Variants in USH2A observed in about 807,000 individuals in gnomAD.
USH2A encodes usherin, also known as Usher syndrome 2A (autosomal recessive, mild).
In USH2A, 443 loss-of-function variants were observed where a neutral mutation model predicts 538.9. The observed-to-expected ratio is 0.82, with a 90% CI of 0.76 to 0.89. USH2A has a LOEUF of 0.89. Among genes scored for constraint, USH2A ranks in the 40% least tolerant of loss-of-function variants. The pLI is 0.00. For synonymous variants in USH2A, 2,413 were observed against 2,273.5 expected (o/e 1.06, Z -1.75); for missense variants, 6,633 against 6,324.8 (o/e 1.05, Z -1.65).
chr1:216,039,047 A>G (rs563065611), intron 32 of USH2A, among the ~76,000 whole-genome samples: 91 of 152,188 alleles, frequency 6.0e-4, no homozygotes, highest in African/African-American at 2.1e-3. Context: ...ATACGGGTGC[A>G]TTATAGAAGC....
At chr1:215,737,980 T>A (rs1660202817) in intron 60 of USH2A, among the ~76,000 whole-genome samples, 1 of 152,026 alleles carries the variant, frequency 6.6e-6, no homozygotes, top group African/African-American at 2.4e-5. Context: ...TGTATATAGT[T>A]TTGCCTCTCA....
At chr1:216,376,870 A>G (rs2038832329) in intron 3 of USH2A, among the ~76,000 whole-genome samples, 2 of 152,210 alleles carry the variant, frequency 1.3e-5, no homozygotes, top group Admixed American at 1.3e-4. Context: ...CCTGCCATAT[A>G]AACAAAACAG....
Position 215,647,525 on chromosome 1 carries a change from C to G in USH2A, c.14788G>C (p.Glu4930Gln), listed in dbSNP as rs766262236. The G allele has an allele frequency of 6.8e-6, 11 of 1,613,878 alleles. No individual in the cohort carries two copies. In the South Asian group the frequency reaches 1.1e-4, roughly 16 times the overall value. The change falls in exon 67 of 72, where the codon GAA becomes CAA. Residue 4930 changes from glutamate (E) to glutamine (Q), a missense_variant. Transcript: ENST00000307340. ...SEWISFTTQKELPQYRAPFSV... is the reference protein window; with the variant it reads ...SEWISFTTQKQLPQYRAPFSV... ...GGTAGCAGCCACTTATACTCACATT[C>G]TTTTTGGGTGGTGAAACTGATCCAC...
chr1:215,731,702 CCTT>C (rs1351381981), intron 60 of USH2A, among the ~76,000 whole-genome samples: 1 of 152,166 alleles, frequency 6.6e-6, no homozygotes, highest in African/African-American at 2.4e-5. Context: ...GCTCCTTACT[CCTT>C]CTCTCCCCTC....
chr1:216,168,793 G>C (rs1232584808), intron 21 of USH2A, among the ~76,000 whole-genome samples: 1 of 152,082 alleles, frequency 6.6e-6, no homozygotes, highest in Non-Finnish European at 1.5e-5. Flanking sequence ...TCACCACCCA[G>C]ATTGATAAAC....
rs375508111 is a variant in USH2A, at chr1:216,240,563, A to G, written c.2809+6022T>C. Among the ~76,000 whole-genome samples the G allele has an allele frequency of 9.9e-5, 15 of 152,162 alleles. 1 individual carries two copies. The highest frequency in any genetic ancestry group is 3.9e-4 in the Admixed American group (6 of 15,280). On this transcript the variant is annotated intron_variant, in intron 13 of 71. Coordinates refer to ENST00000307340, the MANE Select transcript of USH2A (RefSeq NM_206933.4). Reference sequence around the variant, plus strand: ...GTAGAAAAGAAGAAAGAATCTGATTAACATTGCTAACAGCTAATGGTACAA... The same window carrying G: ...GTAGAAAAGAAGAAAGAATCTGATTGACATTGCTAACAGCTAATGGTACAA...
At chr1:216,354,276 T>C (rs1038342215) in intron 4 of USH2A, among the ~76,000 whole-genome samples, 5 of 152,068 alleles carry the variant, frequency 3.3e-5, no homozygotes, top group African/African-American at 4.8e-5. Context: ...CGCCAAAAAA[T>C]ATGATTTACT....
At chr1:215,675,643 T>C in intron 62 of USH2A, 27 bp from the exon 63 acceptor site, 1 of 1,614,072 alleles carries the variant, frequency 6.2e-7, no homozygotes, top group Non-Finnish European at 8.5e-7. Context: ...GCAAAAGGGA[T>C]AACTTGCAGC....
At chr1:215,744,824 G>C (rs939159189) in intron 58 of USH2A, among the ~76,000 whole-genome samples, 18 of 152,244 alleles carry the variant, frequency 1.2e-4, no homozygotes, top group African/African-American at 3.6e-4. Context: ...GTTAAATTTG[G>C]CAGCTTAGAC....
intron 11 of USH2A, among the ~76,000 whole-genome samples, chr1:216,270,311 T>G (rs904847226): frequency 6.6e-6 from 1 of 152,104 alleles, no homozygotes; most frequent in African/African-American, 2.4e-5. Flanking sequence ...GAACAGGAAA[T>G]CTGTCCCGGA....
intron 3 of USH2A, among the ~76,000 whole-genome samples, chr1:216,370,910 T>A (rs1483496647): frequency 6.6e-6 from 1 of 152,118 alleles, no homozygotes; most frequent in Non-Finnish European, 1.5e-5. Context: ...ACATCCCCTG[T>A]GTACTATAAC....
intron 4 of USH2A, among the ~76,000 whole-genome samples, chr1:216,334,747 T>G (rs542168595): frequency 2.6e-4 from 40 of 152,018 alleles, no homozygotes; most frequent in African/African-American, 8.4e-4. Context: ...TTTTAAGATA[T>G]CAATCCATCA....
chr1:215,853,691 C>A (rs1327648659), intron 44 of USH2A, among the ~76,000 whole-genome samples: 1 of 152,168 alleles, frequency 6.6e-6, no homozygotes, highest in Non-Finnish European at 1.5e-5. Flanking sequence ...CTGCCAGATA[C>A]CCTAAATAAT....
chr1:215,923,606 T>G (rs1666156106), intron 38 of USH2A, among the ~76,000 whole-genome samples: 1 of 152,058 alleles, frequency 6.6e-6, no homozygotes, highest in Non-Finnish European at 1.5e-5. Flanking sequence ...TGCAGTCAAC[T>G]TCACACACAG....
At chr1:216,186,116 C>A (rs2034595644) in intron 20 of USH2A, among the ~76,000 whole-genome samples, 1 of 149,546 alleles carries the variant, frequency 6.7e-6, no homozygotes, top group Non-Finnish European at 1.5e-5. Flanking sequence ...AAAACAAACA[C>A]TAAAATAAAT....
intron 3 of USH2A, among the ~76,000 whole-genome samples, chr1:216,374,167 T>C (rs1045581510): frequency 2.7e-5 from 4 of 150,770 alleles, no homozygotes; most frequent in Non-Finnish European, 4.4e-5. Flanking sequence ...CATGAGTTGA[T>C]GGGTGCAGCA....
In USH2A at chr1:215,649,529, T is replaced by C. The variant is rs112803111; in HGVS notation, c.14344-763A>G. ...TATAAATTATTTTAGTTTATTATCA[T>C]TTTATAAGCATGGATAATCAAGGGT... On this transcript the variant is annotated intron_variant, in intron 65 of 71. Coordinates refer to ENST00000307340, the MANE Select transcript of USH2A (RefSeq NM_206933.4). Among the ~76,000 whole-genome samples, 227 of 152,338 alleles carry C rather than the reference T, an allele frequency of 1.5e-3. 1 individual carries two copies. The highest frequency in any genetic ancestry group is 5.3e-3 in the African/African-American group (222 of 41,586).
intron 11 of USH2A, among the ~76,000 whole-genome samples, chr1:216,255,977 C>G (rs1250003449): frequency 6.6e-6 from 1 of 152,046 alleles, no homozygotes; most frequent in Non-Finnish European, 1.5e-5. Context: ...AATGAAATTA[C>G]TTTCTTCATC....
At chr1:215,940,531 C>T (rs1187734115) in intron 37 of USH2A, among the ~76,000 whole-genome samples, 3 of 152,002 alleles carry the variant, frequency 2.0e-5, no homozygotes, top group Admixed American at 2.0e-4. Flanking sequence ...CTGAAAGGTG[C>T]TGAGTATTTG....
Sources: gnomAD v4.1 joint callset for allele counts (sites outside exome capture counted in the v4.1 genomes callset) on GRCh38, gnomAD v4.1.1 for gene constraint, MANE v1.5 for transcripts, NCBI Gene and HGNC (gene_info 2026-07-23, HGNC 2026-07-21) for gene names.